RBBP8: variants seen among roughly 807,000 people sequenced by gnomAD.
RBBP8 encodes the protein DNA endonuclease RBBP8.
In RBBP8, 88 loss-of-function variants were observed where a neutral mutation model predicts 108.3. That is an observed-to-expected ratio of 0.81 (90% confidence interval 0.68 to 0.97). The LOEUF is 0.97. Among genes scored for constraint, RBBP8 ranks in the 50% least tolerant of loss-of-function variants. The pLI, the probability that RBBP8 is intolerant of heterozygous loss-of-function variation, is 0.00. For synonymous variants in RBBP8, 332 were observed against 348.2 expected (o/e 0.95, Z 0.52); for missense variants, 1,023 against 1,049.0 (o/e 0.98, Z 0.34).
chr18:23,007,647 G>A (rs550824661), intron 16 of RBBP8, among the ~76,000 whole-genome samples: 6 of 143,630 alleles, frequency 4.2e-5, no homozygotes, highest in African/African-American at 7.6e-5. Context: ...GCAGTGTGCC[G>A]AGATCGCGCC....
chr18:22,959,752 G>A (rs976886446), intron 4 of RBBP8, among the ~76,000 whole-genome samples: 5 of 151,028 alleles, frequency 3.3e-5, no homozygotes, highest in East Asian at 1.9e-4. Context: ...GTGTGTGTGT[G>A]TATACTCTTG....
chr18:23,023,345 G>A (rs1438547458), intron 18 of RBBP8, among the ~76,000 whole-genome samples: 2 of 152,116 alleles, frequency 1.3e-5, no homozygotes, highest in Non-Finnish European at 2.9e-5. Context: ...AGTGGTATCT[G>A]AATAAATAAA....
intron 14 of RBBP8, among the ~76,000 whole-genome samples, chr18:23,000,035 TAGG>T (rs1369265952): frequency 5.3e-5 from 8 of 152,172 alleles, no homozygotes; most frequent in African/African-American, 1.9e-4. Flanking sequence ...AATTTTGTAG[TAGG>T]AAGTATTTTA....
At position 22,996,415 on chromosome 18, in the gene RBBP8, G is replaced by A; in HGVS notation, c.1981G>A (p.Ala661Thr). 2 of 1,613,648 alleles carry A rather than the reference G, an allele frequency of 1.2e-6. No homozygotes were observed. Among genetic ancestry groups the A allele is most frequent in the Non-Finnish European group, 8.5e-7 (1 of 1,179,880 alleles). ...TATCCAGTGGAGTATAGATCCGGGA[G>A]CAGACCTTTCTCAGTATAAAATGGA... is the stretch of plus-strand genomic sequence containing the variant. ...ENIQWSIDPG[A>T]DLSQYKMDVT... The change falls in exon 13 of 19, where the codon GCA (alanine) becomes ACA (threonine). Residue 661 changes from alanine (A) to threonine (T), a missense_variant. Transcript: ENST00000327155.
In RBBP8 at chr18:22,992,882, A is replaced by C. The variant is rs780198609; in HGVS notation, c.1055A>C (p.Gln352Pro). 4.0e-5 allele frequency: 65 copies of C among 1,613,854 alleles called. 1 individual carries two copies. The Middle Eastern group carries it at 8.2e-4, about 20-fold the overall frequency. ...ACAAGTTTGTCCCCTTCTCTTTTAC[A>C]GCCTGGGAAAAAAAAACATCTGAAA... ...LNTSLSPSLLQPGKKKHLKTL... is the reference protein window; with the variant it reads ...LNTSLSPSLLPPGKKKHLKTL... The change falls in exon 11 of 19, where the codon CAG (glutamine) becomes CCG (proline). Residue 352 changes from glutamine to proline, a missense_variant. Transcript: ENST00000327155.
rs182472145 is a variant in RBBP8, at chr18:22,935,543, C to T, written c.-98-1211C>T. Reference sequence around the variant, plus strand: ...GATAGTTTATTTTTGTAGCTCTTGACGGTTCACCAAGTGGCTTCACATATA... The same window carrying T: ...GATAGTTTATTTTTGTAGCTCTTGATGGTTCACCAAGTGGCTTCACATATA... On this transcript the variant is annotated intron_variant, in intron 1 of 18. Coordinates refer to ENST00000327155, the MANE Select transcript of RBBP8 (RefSeq NM_002894.3). Among the ~76,000 whole-genome samples, 215 of 152,222 alleles carry T rather than the reference C, an allele frequency of 1.4e-3. 1 individual carries two copies. Among genetic ancestry groups the T allele is most frequent in the Non-Finnish European group, 2.1e-3 (146 of 68,010 alleles).
At chr18:23,009,649 T>A (rs994137060) in intron 16 of RBBP8, among the ~76,000 whole-genome samples, 1 of 152,000 alleles carries the variant, frequency 6.6e-6, no homozygotes, top group Admixed American at 6.6e-5. Flanking sequence ...TCCCTATCCC[T>A]ATAGGTAATC....
intron 16 of RBBP8, among the ~76,000 whole-genome samples, chr18:23,013,036 C>T (rs967698610): frequency 6.6e-6 from 1 of 151,054 alleles, no homozygotes; most frequent in African/African-American, 2.4e-5. Flanking sequence ...CTGTTTATGG[C>T]ATGGTTTACT....
At chr18:22,929,945 A>G (rs1434302828), upstream of RBBP8, among the ~76,000 whole-genome samples, 1 of 152,216 alleles carries the variant, frequency 6.6e-6, no homozygotes, top group East Asian at 1.9e-4. Flanking sequence ...TTGAAACCAT[A>G]TGACTTTAGT....
At chr18:22,929,765 T>C (rs563492946), upstream of RBBP8, among the ~76,000 whole-genome samples, 126 of 152,224 alleles carry the variant, frequency 8.3e-4, no homozygotes, top group African/African-American at 2.9e-3. Context: ...AGATCACACT[T>C]GTGGAGCTCA....
chr18:22,971,705 G>A (rs1316048435), intron 5 of RBBP8, among the ~76,000 whole-genome samples: 3 of 147,990 alleles, frequency 2.0e-5, no homozygotes, highest in Non-Finnish European at 3.0e-5. Context: ...GAGTGCAGTG[G>A]CGTCATCTCT....
intron 7 of RBBP8, among the ~76,000 whole-genome samples, chr18:22,982,751 G>A (rs1232769965): frequency 6.6e-6 from 1 of 152,192 alleles, no homozygotes; most frequent in Non-Finnish European, 1.5e-5. Context: ...CAGGTATTAT[G>A]CTGAGTGATT....
intron 4 of RBBP8, among the ~76,000 whole-genome samples, chr18:22,958,122 C>T (rs914259802): frequency 9.9e-5 from 15 of 152,268 alleles, no homozygotes; most frequent in African/African-American, 2.9e-4. Flanking sequence ...TGAACCTTTA[C>T]GATATAAATA....
At chr18:22,921,502 G>C (rs1037521050) in intron 3 of RBBP8, among the ~76,000 whole-genome samples, 2 of 152,164 alleles carry the variant, frequency 1.3e-5, no homozygotes, top group African/African-American at 4.8e-5. Context: ...CATGAATCTG[G>C]TTGCCACTGA....
chr18:22,989,137 T>A (rs1915517173), intron 8 of RBBP8, 84 bp from the exon 9 acceptor site: 2 of 965,424 alleles, frequency 2.1e-6, no homozygotes, highest in Non-Finnish European at 1.6e-6. Context: ...TCCTTCATCT[T>A]TTGTCATTTT....
At chr18:22,957,291 C>CTTTTTTTTTTTTTTTTTTTT (rs11418623) in intron 4 of RBBP8, among the ~76,000 whole-genome samples, 17 of 92,868 alleles carry the variant, frequency 1.8e-4, no homozygotes, top group Non-Finnish European at 2.5e-4. Context: ...ATTACTTTTT[C>CTTTTTTTTTTTTTTTTTTTT]TTTTTTTTTT....
intron 16 of RBBP8, among the ~76,000 whole-genome samples, chr18:23,014,073 AT>A (rs1409557584): frequency 6.6e-6 from 1 of 152,102 alleles, no homozygotes; most frequent in Non-Finnish European, 1.5e-5. Context: ...ATCTTGGCTC[AT>A]TGCAACCTCC....
intron 12 of RBBP8, among the ~76,000 whole-genome samples, chr18:22,994,590 C>T (rs925885465): frequency 6.8e-6 from 1 of 147,132 alleles, no homozygotes; most frequent in Admixed American, 6.8e-5. Flanking sequence ...TGCAGTGAGC[C>T]GAGATCGTGC....
chr18:22,966,596 T>G (rs1171393274), intron 4 of RBBP8, among the ~76,000 whole-genome samples: 2 of 144,772 alleles, frequency 1.4e-5, no homozygotes, highest in Non-Finnish European at 3.0e-5. Context: ...AAAAAAAGTC[T>G]ATGTTCTTTT....
Sources: allele counts gnomAD v4.1 joint callset (sites outside exome capture counted in the v4.1 genomes callset), GRCh38; gene constraint gnomAD v4.1.1; transcripts MANE v1.5; gene names NCBI Gene and HGNC (gene_info 2026-07-23, HGNC 2026-07-21).